The following CHD4 variants were observed in gnomAD, a reference collection of about 807,000 sequenced individuals.
The protein encoded by CHD4 is ATP-dependent chromatin remodeler CHD4.
CHD4 carries 35 observed loss-of-function variants against 235.5 expected under a neutral mutation model. The observed-to-expected ratio is 0.15, with a 90% CI of 0.11 to 0.20. CHD4 has a LOEUF of 0.20. CHD4 is among the 10% of genes least tolerant of loss of function. The pLI is 1.00. For missense variants in CHD4, 1,329 were observed against 2,432.3 expected, an observed-to-expected ratio of 0.55 and a Z score of 9.54; for synonymous variants, 900 against 850.2, an observed-to-expected ratio of 1.06 and a Z score of -1.02.
chr12:6,598,205 G>C lies in CHD4; in HGVS notation c.1686+17C>G. 6.2e-7 allele frequency: 1 copy of C among 1,610,146 alleles called. No homozygotes were observed. Among genetic ancestry groups the C allele is most frequent in the Non-Finnish European group, 8.5e-7 (1 of 1,177,128 alleles). Reference sequence around the variant, plus strand: ...CTTCATCGTAGCCCCTACATCTCCAGACTATCCTAAACTTACCTGCAGTTC... The same window carrying C: ...CTTCATCGTAGCCCCTACATCTCCACACTATCCTAAACTTACCTGCAGTTC... On this transcript the variant is annotated intron_variant, in intron 11 of 39. Transcript: ENST00000544040.
intron 13 of CHD4, 43 bp downstream of exon 13, chr12:6,595,963 A>G: frequency 6.4e-7 from 1 of 1,570,980 alleles, no homozygotes; most frequent in Non-Finnish European, 8.6e-7. Context: ...TCTCAAAAAA[A>G]AAAAAAAAGA....
At chr12:6,595,123 CCTT>C (rs1948464459) in intron 14 of CHD4, among the ~76,000 whole-genome samples, 1 of 151,938 alleles carries the variant, frequency 6.6e-6, no homozygotes, top group Non-Finnish European at 1.5e-5. Context: ...AAATATACCT[CCTT>C]TTTTTTTTTC....
chr12:6,585,409 G>A (rs755630059), intron 25 of CHD4, among the ~76,000 whole-genome samples: 2 of 151,378 alleles, frequency 1.3e-5, no homozygotes, highest in South Asian at 2.1e-4. Flanking sequence ...TCAGCCTCCC[G>A]AATAGCTGGG....
At chr12:6,602,705 G>T (rs1428452297) in intron 2 of CHD4, among the ~76,000 whole-genome samples, 1 of 152,156 alleles carries the variant, frequency 6.6e-6, no homozygotes, top group Non-Finnish European at 1.5e-5. Context: ...GGCCTGCCAG[G>T]CCAGACCAGG....
rs150832622 is a variant in CHD4, at chr12:6,601,984, C to T, written c.414G>A (p.Glu138=). Residue 138 remains glutamate, a synonymous_variant, in exon 4 of 40, where the codon GAG becomes GAA. Transcript: ENST00000544040. ...CCTTTGAATCATCATCATCATCCTC[C>T]TCCTCCTCCTCCTCCTTCCGCTTGG... ...SKSKRKEEEE[E]EDDDDDSKEP... is the part of the protein sequence containing the mutation. 6.9e-7 allele frequency: 1 copy of T among 1,457,302 alleles called. No homozygotes were observed. Among genetic ancestry groups the T allele is most frequent in the South Asian group, 1.3e-5 (1 of 79,350 alleles). The allele number at this position is 1,457,302 out of a possible 1,614,324, so 90.3% of individuals were successfully genotyped here.
intron 19 of CHD4, 25 bp from the exon 20 acceptor site, chr12:6,592,082 G>A: frequency 6.2e-7 from 1 of 1,613,646 alleles, no homozygotes; most frequent in Non-Finnish European, 8.5e-7. Flanking sequence ...TAGAAAGACA[G>A]GTTAGACTTG....
intron 14 of CHD4, 65 bp downstream of exon 14, chr12:6,595,269 A>G: frequency 7.5e-7 from 1 of 1,340,516 alleles, no homozygotes; most frequent in South Asian, 1.2e-5. Flanking sequence ...GAGTACCATC[A>G]TTAGACTGCA....
chr12:6,578,616 C>A, intron 34 of CHD4, 70 bp from the exon 35 acceptor site: 1 of 1,599,482 alleles, frequency 6.3e-7, no homozygotes, highest in Admixed American at 1.7e-5. Flanking sequence ...ACCCAGAACA[C>A]TGTATGCTAC....
In CHD4 at chr12:6,591,768, C is replaced by T; in HGVS notation, c.3148G>A (p.Gly1050Arg). ...ATTTTCTGCAGCAGCAATAATTTCC[C>T]AGATGCTCTGATTAGGGCACTGCCA... ...YDGSALIRAS[G>R]KLLLLQKMLK... is the part of the protein sequence containing the mutation. Residue 1050 changes from glycine (G) to arginine (R), a missense_variant, in exon 21 of 40, where the codon GGG becomes AGG. Coordinates refer to ENST00000544040, the MANE Select transcript of CHD4 (RefSeq NM_001273.5). 1 of 1,614,234 alleles carries T rather than the reference C, an allele frequency of 6.2e-7. No homozygotes were observed. The highest frequency in any genetic ancestry group is 8.5e-7 in the Non-Finnish European group (1 of 1,180,044).
chr12:6,581,422 A>C (rs1417545680), intron 31 of CHD4, 34 bp from the exon 32 acceptor site: 2 of 1,596,086 alleles, frequency 1.3e-6, no homozygotes, highest in Non-Finnish European at 1.7e-6. Flanking sequence ...AATTAGGAAG[A>C]AGGTACTAGA....
At chr12:6,572,103 G>A (rs2136190377) in intron 38 of CHD4, among the ~76,000 whole-genome samples, 1 of 151,062 alleles carries the variant, frequency 6.6e-6, no homozygotes. Flanking sequence ...CCCAGCCTGG[G>A]CAACAAGAGC....
rs1208925730 is a variant in CHD4 at position 6,606,421 on chromosome 12, G to A, written c.-48C>T. 4.4e-6 allele frequency: 6 copies of A among 1,363,460 alleles called. No homozygotes were observed. The highest frequency in any genetic ancestry group is 1.5e-5 in the African/African-American group (1 of 66,358). 84.5% of individuals were successfully genotyped at this position (1,363,460 alleles called of 1,614,324 possible). ...AATTGGCCCAGCTGCTCCTGCCGGCGGCCTGAGGACCTCTACACTGGCCCG... is the reference window on the plus strand; with the variant it reads ...AATTGGCCCAGCTGCTCCTGCCGGCAGCCTGAGGACCTCTACACTGGCCCG... On this transcript the variant is annotated 5_prime_UTR_variant, in exon 2 of 40. Transcript: ENST00000544040.
At position 6,601,317 on chromosome 12, in the gene CHD4, G is replaced by C; in HGVS notation, c.771C>G (p.Ile257Met). The C allele has an allele frequency of 6.2e-7, 1 of 1,614,132 alleles. No individual in the cohort carries two copies. Residue 257 changes from isoleucine to methionine, a missense_variant, in exon 6 of 40, where the codon ATC becomes ATG. Ile to Met is a conservative substitution (Grantham distance 10). Coordinates refer to ENST00000544040, the MANE Select transcript of CHD4 (RefSeq NM_001273.5). ...TGCCCTCCTTGGTCTTGGCCTTGCG[G>C]ATAGGCACCTCCACAGGGGGAGGTG... ...APPPPPVEVP[I>M]RKAKTKEGKG...
At position 6,570,711 on chromosome 12, in the gene CHD4, A is replaced by G; in HGVS notation, c.5722-18T>C. On this transcript the variant is annotated intron_variant, in intron 39 of 39. Coordinates refer to ENST00000544040, the MANE Select transcript of CHD4 (RefSeq NM_001273.5). ...TGGGCTACCTAGAGAAGGAGACCCG[A>G]GGAGTCAGAATTCCAGATGATAGGA... 6.2e-7 allele frequency: 1 copy of G among 1,614,152 alleles called. No individual in the cohort carries two copies. The highest frequency in any genetic ancestry group is 2.2e-5 in the East Asian group (1 of 44,886).
At chr12:6,576,675 G>C (rs1026039991) in intron 37 of CHD4, among the ~76,000 whole-genome samples, 1 of 151,708 alleles carries the variant, frequency 6.6e-6, no homozygotes, top group Non-Finnish European at 1.5e-5. Context: ...GTGCGATCTC[G>C]GCTCACTGCA....
rs752724519 is a variant in CHD4, at chr12:6,591,905, G to A, written c.3090+11C>T. ...CCAACCCAGGGAGGAACAGGAGATG[G>A]CACTACATACCATTGCAGCCACAGG... On this transcript the variant is annotated intron_variant, in intron 20 of 39. Transcript: ENST00000544040. 3 of 1,614,200 alleles carry A rather than the reference G, an allele frequency of 1.9e-6. No individual in the cohort carries two copies. Among genetic ancestry groups the A allele is most frequent in the African/African-American group, 1.3e-5 (1 of 75,048 alleles).
chr12:6,603,901 C>T (rs1948642365), intron 2 of CHD4, among the ~76,000 whole-genome samples: 2 of 152,132 alleles, frequency 1.3e-5, no homozygotes, highest in South Asian at 4.1e-4. Context: ...AGCTCAGCTT[C>T]CTCACCACTC....
At chr12:6,596,208 C>T in intron 12 of CHD4, 71 bp from the exon 13 acceptor site, 3 of 1,586,700 alleles carry the variant, frequency 1.9e-6, no homozygotes, top group Non-Finnish European at 2.6e-6. Flanking sequence ...CAAAAACTGG[C>T]AATACCGTTT....
At position 6,570,610 on chromosome 12, in the gene CHD4, A is replaced by G; in HGVS notation, c.*66T>C. 2 of 1,595,872 alleles carry G rather than the reference A, an allele frequency of 1.3e-6. No homozygotes were observed. The highest frequency in any genetic ancestry group is 3.3e-5 in the Admixed American group (2 of 59,880). Reference sequence around the variant, plus strand: ...AGGGTCTCTCAGGCCCCCAGGGGAGAAGCTGGGACAAGAGAAAGTGAGGAA... The same window carrying G: ...AGGGTCTCTCAGGCCCCCAGGGGAGGAGCTGGGACAAGAGAAAGTGAGGAA... On this transcript the variant is annotated 3_prime_UTR_variant, in exon 40 of 40. Coordinates refer to ENST00000544040, the MANE Select transcript of CHD4 (RefSeq NM_001273.5).
Sources: allele counts gnomAD v4.1 joint callset (sites outside exome capture counted in the v4.1 genomes callset), GRCh38; gene constraint gnomAD v4.1.1; transcripts MANE v1.5; gene names NCBI Gene and HGNC (gene_info 2026-07-23, HGNC 2026-07-21).